Variants in CRIPT observed in about 807,000 individuals in gnomAD.
CRIPT encodes the protein CXXC repeat containing interactor of PDZ3 domain, also known as cysteine-rich PDZ-binding protein.
In CRIPT, 20 loss-of-function variants were observed where a neutral mutation model predicts 16.6. The ratio of observed to expected loss-of-function variants is 1.20; its 90% CI spans 0.85 to 1.75. The LOEUF (loss-of-function observed/expected upper bound fraction) is 1.75. Ranked by LOEUF, CRIPT falls within the 40% of genes most tolerant of loss-of-function variation. The pLI, the probability that CRIPT is intolerant of heterozygous loss-of-function variation, is 0.00. For missense variants in CRIPT, 133 were observed against 115.3 expected (o/e 1.15, Z -0.70); for synonymous variants, 42 against 37.0 (o/e 1.14, Z -0.49).
Position 46,624,295 on chromosome 2 carries a change from T to C in CRIPT, c.*68T>C. 1.0e-6 allele frequency: 1 copy of C among 982,242 alleles called. No homozygotes were observed. Among genetic ancestry groups the C allele is most frequent in the Non-Finnish European group, 1.5e-6 (1 of 664,468 alleles). 60.8% of individuals were successfully genotyped at this position (982,242 alleles called of 1,614,324 possible). A position where few individuals can be genotyped will look rare whatever the true frequency, so the allele number is the denominator to read the frequency against. ...CTGCCTTGAATTTTCAAGGCATAGA[T>C]GTCAACTTACAGAATAACATGTTTT... On this transcript the variant is annotated 3_prime_UTR_variant, in exon 5 of 5. Transcript: ENST00000238892.
chr2:46,620,411 G>C (rs931077487), intron 3 of CRIPT, among the ~76,000 whole-genome samples: 2 of 142,398 alleles, frequency 1.4e-5, no homozygotes, highest in Admixed American at 6.7e-5. Context: ...TCGCACTACT[G>C]ATCTCCAGCC....
rs1032388418 is a variant in CRIPT at position 46,629,483 on chromosome 2, T to C, written c.*5256T>C. 6.6e-6 allele frequency among the ~76,000 whole-genome samples: 1 copy of C among 152,230 alleles called. No individual in the cohort carries two copies. Among genetic ancestry groups the C allele is most frequent in the African/African-American group, 2.4e-5 (1 of 41,460 alleles). On this transcript the variant is annotated 3_prime_UTR_variant, in exon 5 of 5. Transcript: ENST00000238892. ...CCACGATCCAGCCTAGGATCATATG[T>C]TGTATTGCCATAACCCTCTAATCTG...
chr2:46,618,828 G>C lies in CRIPT; in HGVS notation c.72G>C (p.Arg24Ser). Residue 24 changes from arginine (R) to serine (S), a missense_variant, in exon 2 of 5, where the codon AGG becomes AGC. By Grantham distance (110) the Arg-to-Ser change is moderately radical. Coordinates refer to ENST00000238892, the MANE Select transcript of CRIPT (RefSeq NM_014171.6). Reference protein sequence around the residue: ...ITPDTWKDGARNTTESGGRKL... With the variant: ...ITPDTWKDGASNTTESGGRKL... ...CAGATACATGGAAAGATGGTGCTAG[G>C]AATACCACAGGTATTTCTTCTTTTA... 6.3e-7 allele frequency: 1 copy of C among 1,593,200 alleles called. No individual in the cohort carries two copies. The highest frequency in any genetic ancestry group is 1.7e-5 in the Admixed American group (1 of 58,478).
intron 3 of CRIPT, among the ~76,000 whole-genome samples, chr2:46,623,036 C>T (rs1670849709): frequency 6.6e-6 from 1 of 151,780 alleles, no homozygotes; most frequent in Admixed American, 6.6e-5. Context: ...ACTCCTGTCA[C>T]TATAAGATGG....
rs1670968257 is a variant in CRIPT at position 46,627,507 on chromosome 2, A to G, written c.*3280A>G. Reference sequence around the variant, plus strand: ...TGCCCAGGCTGGAGTACAGTGGTACAATCTTGGCTCACCACAACCTCCACC... The same window carrying G: ...TGCCCAGGCTGGAGTACAGTGGTACGATCTTGGCTCACCACAACCTCCACC... On this transcript the variant is annotated 3_prime_UTR_variant, in exon 5 of 5. Coordinates refer to ENST00000238892, the MANE Select transcript of CRIPT (RefSeq NM_014171.6). Among the ~76,000 whole-genome samples, 1 of 151,036 alleles carries G rather than the reference A, an allele frequency of 6.6e-6. No individual in the cohort carries two copies.
rs1671034372 is a variant in CRIPT at position 46,630,116 on chromosome 2, T to C, written c.*5889T>C. Among the ~76,000 whole-genome samples the C allele has an allele frequency of 6.6e-6, 1 of 152,168 alleles. No homozygotes were observed. Among genetic ancestry groups the C allele is most frequent in the South Asian group, 2.1e-4 (1 of 4,830 alleles). ...TTGTATTTCCAAAGAACAAGGGTGT[T>C]TTCCTGCATAGCCATAGCACAATTA... is the stretch of plus-strand genomic sequence containing the variant. On this transcript the variant is annotated 3_prime_UTR_variant, in exon 5 of 5. Coordinates refer to ENST00000238892, the MANE Select transcript of CRIPT (RefSeq NM_014171.6).
chr2:46,620,736 T>A (rs1670781371), intron 3 of CRIPT, among the ~76,000 whole-genome samples: 1 of 147,756 alleles, frequency 6.8e-6, no homozygotes, highest in Non-Finnish European at 1.5e-5. Context: ...TATAATATTA[T>A]TATATATATA....
intron 3 of CRIPT, among the ~76,000 whole-genome samples, chr2:46,622,916 G>A (rs1001014131): frequency 1.2e-4 from 18 of 151,640 alleles, no homozygotes; most frequent in Non-Finnish European, 2.1e-4. Flanking sequence ...ACGGTGTTTC[G>A]TATCTAGTAT....
At chr2:46,618,579 C>T (rs780505518) in intron 1 of CRIPT, among the ~76,000 whole-genome samples, 194 bp from the exon 2 acceptor site, 14 of 152,166 alleles carry the variant, frequency 9.2e-5, no homozygotes, top group Non-Finnish European at 1.6e-4. Flanking sequence ...TATTATCCTA[C>T]GCATTTTACT....
At chr2:46,619,147 C>G (rs1185823618) in intron 2 of CRIPT, among the ~76,000 whole-genome samples, 1 of 152,104 alleles carries the variant, frequency 6.6e-6, no homozygotes, top group African/African-American at 2.4e-5. Context: ...AATTTCTGCA[C>G]TCTTCTGAGG....
rs1671026076 is a variant in CRIPT at position 46,629,723 on chromosome 2, A to C, written c.*5496A>C. The stretch of plus-strand genomic sequence containing the variant: ...AATGTCCATTTGTCCCTTATTGGTG[A>C]TGCTAATTTTGATCACTTGGGTAAG... On this transcript the variant is annotated 3_prime_UTR_variant, in exon 5 of 5. Coordinates refer to ENST00000238892, the MANE Select transcript of CRIPT (RefSeq NM_014171.6). Among the ~76,000 whole-genome samples, 1 of 152,132 alleles carries C rather than the reference A, an allele frequency of 6.6e-6. No homozygotes were observed. Among genetic ancestry groups the C allele is most frequent in the African/African-American group, 2.4e-5 (1 of 41,420 alleles).
rs1013372807 is a variant in CRIPT, at chr2:46,625,059, T to C, written c.*832T>C. 2 of 148,424 alleles carry C rather than the reference T, an allele frequency of 1.3e-5. No individual in the cohort carries two copies. Among genetic ancestry groups the C allele is most frequent in the Admixed American group, 1.3e-4 (2 of 14,974 alleles). 9.2% of individuals were successfully genotyped at this position (148,424 alleles called of 1,614,324 possible). On this transcript the variant is annotated 3_prime_UTR_variant, in exon 5 of 5. Transcript: ENST00000238892. ...AGCAAACATCTTGACTCTCCCTTTT[T>C]AAAATTTGTTTGTTTTTTTTTTTTT...
Position 46,627,842 on chromosome 2 carries a change from C to G in CRIPT, c.*3615C>G, listed in dbSNP as rs1035292868. 6.6e-6 allele frequency among the ~76,000 whole-genome samples: 1 copy of G among 152,132 alleles called. No individual in the cohort carries two copies. The highest frequency in any genetic ancestry group is 2.4e-5 in the African/African-American group (1 of 41,440). On this transcript the variant is annotated 3_prime_UTR_variant, in exon 5 of 5. Coordinates refer to ENST00000238892, the MANE Select transcript of CRIPT (RefSeq NM_014171.6). The stretch of plus-strand genomic sequence containing the variant: ...TCTGCATATGGCTAGACAGCTGTTC[C>G]AGCACCATTTATTGAATTAGGGAAT...
rs1671035108 is a variant in CRIPT at position 46,630,175 on chromosome 2, A to G, written c.*5948A>G. 6.6e-6 allele frequency among the ~76,000 whole-genome samples: 1 copy of G among 151,566 alleles called. No individual in the cohort carries two copies. The stretch of plus-strand genomic sequence containing the variant: ...AGAAAATTAACATTAATACTTTACT[A>G]TTATCAAATCTTTTTCATATTTTGC... On this transcript the variant is annotated 3_prime_UTR_variant, in exon 5 of 5. Coordinates refer to ENST00000238892, the MANE Select transcript of CRIPT (RefSeq NM_014171.6).
chr2:46,622,251 TC>T (rs1670822849), intron 3 of CRIPT, among the ~76,000 whole-genome samples: 2 of 151,414 alleles, frequency 1.3e-5, no homozygotes, highest in South Asian at 4.2e-4. Flanking sequence ...TCACCTGTAA[TC>T]CCAGCTACTC....
chr2:46,619,623 A>G lies in CRIPT; in HGVS notation c.83-4A>G. The G allele has an allele frequency of 1.2e-6, 2 of 1,605,358 alleles. No individual in the cohort carries two copies. ...CCACTAAAATATCTTTTATTCTGAT[A>G]CAGAAAGTGGTGGAAGAAAGCTGAA... On this transcript the variant is annotated splice_region_variant and splice_polypyrimidine_tract_variant and intron_variant, in intron 2 of 4. Transcript: ENST00000238892.
Position 46,625,118 on chromosome 2 carries a change from G to A in CRIPT, c.*891G>A, listed in dbSNP as rs1345799518. On this transcript the variant is annotated 3_prime_UTR_variant, in exon 5 of 5. Transcript: ENST00000238892. Reference sequence around the variant, plus strand: ...TACAAGAGCTCACTCTGTTGCCCAGGGTGGAGTGCAGAGGTATCATCAGGC... The same window carrying A: ...TACAAGAGCTCACTCTGTTGCCCAGAGTGGAGTGCAGAGGTATCATCAGGC... 1 of 148,578 alleles carries A rather than the reference G, an allele frequency of 6.7e-6. No homozygotes were observed. Among genetic ancestry groups the A allele is most frequent in the South Asian group, 2.1e-4 (1 of 4,722 alleles). The allele number at this position is 148,578 out of a possible 1,614,324, so 9.2% of individuals were successfully genotyped here. A position where few individuals can be genotyped will look rare whatever the true frequency, so the allele number is the denominator to read the frequency against.
At position 46,629,174 on chromosome 2, in the gene CRIPT, A is replaced by G. The variant is rs1237664531; in HGVS notation, c.*4947A>G. ...ACTGTTTTTCTCTGGAGTGGGTGTA[A>G]GGGTAGAGACTTAACTCTTTACATC... On this transcript the variant is annotated 3_prime_UTR_variant, in exon 5 of 5. Transcript: ENST00000238892. 2.0e-5 allele frequency among the ~76,000 whole-genome samples: 3 copies of G among 152,198 alleles called. No homozygotes were observed. Among genetic ancestry groups the G allele is most frequent in the Non-Finnish European group, 4.4e-5 (3 of 68,036 alleles).
chr2:46,622,409 T>G (rs1290281376), intron 3 of CRIPT, among the ~76,000 whole-genome samples: 2 of 151,294 alleles, frequency 1.3e-5, no homozygotes, highest in Non-Finnish European at 2.9e-5. Context: ...ACAATGTGTA[T>G]TTTTGAATAA....
Sources: gnomAD v4.1 joint callset for allele counts (sites outside exome capture counted in the v4.1 genomes callset) on GRCh38, gnomAD v4.1.1 for gene constraint, MANE v1.5 for transcripts, NCBI Gene and HGNC (gene_info 2026-07-23, HGNC 2026-07-21) for gene names.